LRRTM4: variants seen among roughly 807,000 people sequenced by gnomAD.
LRRTM4 encodes the protein leucine rich repeat transmembrane neuronal 4, also known as leucine-rich repeat transmembrane neuronal protein 4.
A neutral mutation model predicts 47.6 loss-of-function variants in LRRTM4; 25 were observed. The observed-to-expected ratio is 0.53, with a 90% confidence interval of 0.38 to 0.73. The LOEUF is 0.73. Among genes scored for constraint, LRRTM4 ranks in the 30% least tolerant of loss-of-function variants. The pLI, the probability that LRRTM4 is intolerant of heterozygous loss-of-function variation, is 0.00. For missense variants in LRRTM4, 638 were observed against 713.4 expected (o/e 0.89, Z 1.20); for synonymous variants, 311 against 269.5 (o/e 1.15, Z -1.51).
intron 3 of LRRTM4, among the ~76,000 whole-genome samples, chr2:76,760,953 A>G (rs921026304): frequency 3.3e-5 from 5 of 152,212 alleles, no homozygotes; most frequent in Admixed American, 6.5e-5. Context: ...CAACTTTGAC[A>G]AATCTGTAGT....
At chr2:77,115,727 T>G (rs914100259) in intron 3 of LRRTM4, among the ~76,000 whole-genome samples, 1 of 152,206 alleles carries the variant, frequency 6.6e-6, no homozygotes, top group Non-Finnish European at 1.5e-5. Flanking sequence ...GACAATTATG[T>G]GAGAAATTCT....
intron 3 of LRRTM4, among the ~76,000 whole-genome samples, chr2:76,914,677 G>T (rs1674185214): frequency 6.6e-6 from 1 of 152,164 alleles, no homozygotes; most frequent in Admixed American, 6.5e-5. Flanking sequence ...TCTTTAAAAT[G>T]ATCTTAAATT....
chr2:77,297,951 A>G (rs1422294881), intron 3 of LRRTM4, among the ~76,000 whole-genome samples: 1 of 152,218 alleles, frequency 6.6e-6, no homozygotes, highest in African/African-American at 2.4e-5. Flanking sequence ...TTGTTTCCAA[A>G]GAAAATTTAT....
At chr2:76,801,580 G>T (rs1483002731) in intron 3 of LRRTM4, among the ~76,000 whole-genome samples, 1 of 151,912 alleles carries the variant, frequency 6.6e-6, no homozygotes, top group Non-Finnish European at 1.5e-5. Context: ...TGAGTTAGTG[G>T]GTGCAGTGCA....
intron 3 of LRRTM4, among the ~76,000 whole-genome samples, chr2:77,174,796 CT>C (rs1293364098): frequency 2.6e-5 from 4 of 152,020 alleles, no homozygotes; most frequent in African/African-American, 9.7e-5. Context: ...TCCCTCCCCC[CT>C]CGCCCCACCC....
At chr2:77,508,029 A>G (rs541400521) in intron 3 of LRRTM4, among the ~76,000 whole-genome samples, 1 of 152,128 alleles carries the variant, frequency 6.6e-6, no homozygotes, top group Non-Finnish European at 1.5e-5. Context: ...AGTGAACAGA[A>G]GTCTAATTTG....
intron 3 of LRRTM4, among the ~76,000 whole-genome samples, chr2:77,032,913 C>T (rs1002291706): frequency 6.6e-6 from 1 of 152,168 alleles, no homozygotes; most frequent in South Asian, 2.1e-4. Flanking sequence ...TTGCCTATTA[C>T]ACCATACAAC....
chr2:77,320,570 C>T (rs980448309), intron 3 of LRRTM4, among the ~76,000 whole-genome samples: 52 of 152,058 alleles, frequency 3.4e-4, no homozygotes, highest in African/African-American at 1.2e-3. Flanking sequence ...AGAAGAAGAA[C>T]ATCATAAGGC....
At chr2:76,870,268 C>A (rs1030046387) in intron 3 of LRRTM4, among the ~76,000 whole-genome samples, 1 of 152,074 alleles carries the variant, frequency 6.6e-6, no homozygotes, top group African/African-American at 2.4e-5. Flanking sequence ...TGTGAAGTTG[C>A]TGAGTAGTCT....
chr2:77,154,131 T>C (rs1280696073), intron 3 of LRRTM4, among the ~76,000 whole-genome samples: 1 of 152,170 alleles, frequency 6.6e-6, no homozygotes, highest in African/African-American at 2.4e-5. Flanking sequence ...TGCGGATGCT[T>C]GAATTTATTT....
chr2:77,077,771 A>G (rs921543794), intron 3 of LRRTM4, among the ~76,000 whole-genome samples: 5 of 152,172 alleles, frequency 3.3e-5, no homozygotes, highest in Non-Finnish European at 2.9e-5. Context: ...GTCTGTCTTT[A>G]TATGTGTGGA....
At chr2:77,435,335 A>G (rs1183278895) in intron 3 of LRRTM4, among the ~76,000 whole-genome samples, 1 of 152,194 alleles carries the variant, frequency 6.6e-6, no homozygotes, top group Non-Finnish European at 1.5e-5. Flanking sequence ...AGCTGTATCT[A>G]CAACTCATGA....
chr2:77,444,936 CACACACACACACAT>C (rs1171334961), intron 3 of LRRTM4, among the ~76,000 whole-genome samples: 2 of 117,794 alleles, frequency 1.7e-5, no homozygotes, highest in African/African-American at 3.1e-5. Flanking sequence ...TTATTTTACA[CACACACACACACAT>C]ACACACACAC....
At chr2:77,291,119 T>C (rs1036453826) in intron 3 of LRRTM4, among the ~76,000 whole-genome samples, 1 of 136,376 alleles carries the variant, frequency 7.3e-6, no homozygotes, top group African/African-American at 3.4e-5. Context: ...ATTTTCTTAA[T>C]ACTAGAAAAA....
At chr2:76,953,869 A>G (rs1264568857) in intron 3 of LRRTM4, among the ~76,000 whole-genome samples, 1 of 151,910 alleles carries the variant, frequency 6.6e-6, no homozygotes, top group South Asian at 2.1e-4. Flanking sequence ...CTTGAAGGTT[A>G]CAGAGCACAA....
At chr2:77,113,972 A>AG (rs1671321655) in intron 3 of LRRTM4, among the ~76,000 whole-genome samples, 1 of 152,132 alleles carries the variant, frequency 6.6e-6, no homozygotes, top group African/African-American at 2.4e-5. Context: ...TAAGATCACC[A>AG]GGGGGTAATG....
chr2:77,514,168 C>T (rs1254669054), intron 3 of LRRTM4, among the ~76,000 whole-genome samples: 2 of 151,860 alleles, frequency 1.3e-5, no homozygotes, highest in Non-Finnish European at 2.9e-5. Context: ...TAACATTGTA[C>T]CATGACACAG....
At chr2:77,131,645 C>T (rs1671805990) in intron 3 of LRRTM4, among the ~76,000 whole-genome samples, 1 of 152,098 alleles carries the variant, frequency 6.6e-6, no homozygotes, top group South Asian at 2.1e-4. Context: ...GATAAGGCTA[C>T]TCTGGGGCTT....
chr2:77,048,831 C>T (rs115975856), intron 3 of LRRTM4, among the ~76,000 whole-genome samples: 2,269 of 151,614 alleles, frequency 0.015, 67 homozygotes, highest in African/African-American at 0.052. Context: ...TTATCCTAAA[C>T]ACCCTATAGT....
Sources: allele counts gnomAD v4.1 joint callset (sites outside exome capture counted in the v4.1 genomes callset), GRCh38; gene constraint gnomAD v4.1.1; transcripts MANE v1.5; gene names NCBI Gene and HGNC (gene_info 2026-07-23, HGNC 2026-07-21).